Variants in MOK observed in about 807,000 individuals in gnomAD.
MOK encodes MAPK/MAK/MRK overlapping kinase.
MOK carries 59 observed loss-of-function variants against 54.2 expected under a neutral mutation model. The ratio of observed to expected loss-of-function variants is 1.09; its 90% CI spans 0.88 to 1.35. The LOEUF (loss-of-function observed/expected upper bound fraction) is 1.35, where lower values mean the gene tolerates loss of function less well. Ranked by LOEUF, MOK falls within the 40% of genes most tolerant of loss-of-function variation. MOK has a pLI of 0.00. For synonymous variants in MOK, 210 were observed against 202.7 expected, an observed-to-expected ratio of 1.04 and a Z score of -0.31; for missense variants, 517 against 526.2, an observed-to-expected ratio of 0.98 and a Z score of 0.17.
chr14:102,263,703 C>T lies in MOK; in HGVS notation c.213-87G>A, dbSNP rs902561296. 1.3e-5 allele frequency: 12 copies of T among 889,242 alleles called. No individual in the cohort carries two copies. The Admixed American group carries it at 3.2e-4, about 23-fold the overall frequency. 55.1% of individuals were successfully genotyped at this position (889,242 alleles called of 1,614,324 possible). On this transcript the variant is annotated intron_variant, in intron 3 of 11. Coordinates refer to ENST00000361847, the MANE Select transcript of MOK (RefSeq NM_014226.3). ...ATATTTAATTCATTTGTAAACATTT[C>T]TAGTAAACATTAGGTACTCCCACAT... is the stretch of plus-strand genomic sequence containing the variant.
chr14:102,304,144 C>A (rs1195975702), intron 1 of MOK, among the ~76,000 whole-genome samples: 1 of 152,104 alleles, frequency 6.6e-6, no homozygotes, highest in African/African-American at 2.4e-5. Flanking sequence ...CAATGTACAC[C>A]ATTGACAATT....
rs200107222 is a variant in MOK, at chr14:102,232,756, G to A, written c.693-48C>T. On this transcript the variant is annotated intron_variant, in intron 8 of 11. Coordinates refer to ENST00000361847, the MANE Select transcript of MOK (RefSeq NM_014226.3). The surrounding 1 kb of genome is among the most constrained non-coding windows in gnomAD (Gnocchi z 5.1). The stretch of plus-strand genomic sequence containing the variant: ...ATAAATGGTCATGCTGTCACTGAGC[G>A]CACCGGTGGTCCACTGTCACAACTA... 3.7e-4 allele frequency: 571 copies of A among 1,539,314 alleles called. No individual in the cohort carries two copies. The highest frequency in any genetic ancestry group is 4.6e-4 in the Non-Finnish European group (523 of 1,124,746).
intron 3 of MOK, chr14:102,264,210 C>CAA (rs66463478): frequency 2.3e-4 from 20 of 88,690 alleles, no homozygotes; most frequent in East Asian, 8.0e-4. Context: ...GACCCTGTCT[C>CAA]AAAAAAAAAA....
downstream of MOK, chr14:102,222,870 G>A (rs767184163): frequency 3.1e-6 from 5 of 1,614,104 alleles, no homozygotes; most frequent in South Asian, 4.4e-5. The surrounding 1 kb of genome is among the most constrained non-coding windows in gnomAD (Gnocchi z 4.4). Flanking sequence ...TCTCCAGGTG[G>A]AACTGTAGTG....
chr14:102,262,885 A>T (rs1351438456), intron 4 of MOK, among the ~76,000 whole-genome samples: 1 of 152,188 alleles, frequency 6.6e-6, no homozygotes, highest in African/African-American at 2.4e-5. Flanking sequence ...TTTCTTAGTG[A>T]GATATACAAG....
chr14:102,283,732 T>G (rs1349368349), intron 1 of MOK, 140 bp from the exon 2 acceptor site: 7 of 577,678 alleles, frequency 1.2e-5, no homozygotes, highest in African/African-American at 9.4e-5. Context: ...TTGTAAGATT[T>G]AGTGGTCCCC....
rs1050924816 is a variant in MOK, at chr14:102,258,793, C to T, written c.283+4753G>A. ...ACACTATATACTCTTTCAGGCTGGGCGCGGTGGCTCACGCCTATAATCCCA... is the reference window on the plus strand; with the variant it reads ...ACACTATATACTCTTTCAGGCTGGGTGCGGTGGCTCACGCCTATAATCCCA... On this transcript the variant is annotated intron_variant, in intron 4 of 11. Coordinates refer to ENST00000361847, the MANE Select transcript of MOK (RefSeq NM_014226.3). Among the ~76,000 whole-genome samples the T allele has an allele frequency of 3.3e-5, 5 of 152,314 alleles. No homozygotes were observed. In the East Asian group the frequency reaches 9.7e-4, roughly 29 times the overall value.
At chr14:102,268,711 C>T (rs1009013850) in intron 2 of MOK, among the ~76,000 whole-genome samples, 26 of 151,950 alleles carry the variant, frequency 1.7e-4, no homozygotes, top group Middle Eastern at 3.2e-3. Flanking sequence ...GTCAGGAGAT[C>T]GAGACCATCC....
the MOK span, chr14:102,214,713 AT>A: frequency 1.0e-6 from 1 of 981,384 alleles, no homozygotes; most frequent in African/African-American, 1.8e-5. Flanking sequence ...CCTTTTTTAT[AT>A]TTTCATCCAA....
In MOK at chr14:102,250,877, A is replaced by G. The variant is rs1254316799; in HGVS notation, c.525T>C (p.Thr175=). ...CCATCTTGTACGTGTAGAACCCATC[A>G]GTGAGGAGACACTCCGGGGCCCGGT... The part of the protein sequence containing the change: ...RWYRAPECLL[T]DGFYTYKMDL... Residue 175 remains threonine (T), a synonymous_variant, in exon 7 of 12, where the codon ACT becomes ACC. Transcript: ENST00000361847. 3 of 1,614,042 alleles carry G rather than the reference A, an allele frequency of 1.9e-6. No homozygotes were observed. Among genetic ancestry groups the G allele is most frequent in the Non-Finnish European group, 2.5e-6 (3 of 1,180,022 alleles).
At chr14:102,279,431 G>T (rs1309788470) in intron 2 of MOK, among the ~76,000 whole-genome samples, 1 of 152,044 alleles carries the variant, frequency 6.6e-6, no homozygotes, top group African/African-American at 2.4e-5. Context: ...CTCCTGAGTA[G>T]CTAGGACTAC....
chr14:102,265,122 G>GA (rs1188097538), intron 3 of MOK, among the ~76,000 whole-genome samples: 2 of 152,180 alleles, frequency 1.3e-5, no homozygotes, highest in Non-Finnish European at 2.9e-5. Context: ...ATTACAGTAA[G>GA]AAAGACTACA....
chr14:102,226,089 T>C (rs1013831747), downstream of MOK: 30 of 557,436 alleles, frequency 5.4e-5, no homozygotes, highest in Admixed American at 1.0e-3. This position sits in a 1 kb window ranked among gnomAD's most constrained non-coding sequence, Gnocchi z 4.8. Flanking sequence ...GAGGTCACGG[T>C]CGCACTGCTG....
At chr14:102,304,866 G>A in intron 1 of MOK, 96 bp downstream of exon 1, 1 of 1,393,078 alleles carries the variant, frequency 7.2e-7, no homozygotes, top group East Asian at 2.5e-5. Flanking sequence ...ACGACGCCCG[G>A]CCCCACAGGC....
At chr14:102,292,825 G>C (rs1827043458) in intron 1 of MOK, among the ~76,000 whole-genome samples, 1 of 152,102 alleles carries the variant, frequency 6.6e-6, no homozygotes, top group African/African-American at 2.4e-5. Context: ...GTATATGAGT[G>C]AATCTGTACA....
At chr14:102,237,004 C>T (rs1272590835) in intron 7 of MOK, among the ~76,000 whole-genome samples, 1 of 152,200 alleles carries the variant, frequency 6.6e-6, no homozygotes, top group Non-Finnish European at 1.5e-5. Flanking sequence ...CCAACACCAC[C>T]TGCTACACTG....
intron 4 of MOK, among the ~76,000 whole-genome samples, chr14:102,253,707 C>T (rs1337086978): frequency 2.0e-5 from 3 of 152,220 alleles, no homozygotes; most frequent in Non-Finnish European, 4.4e-5. Context: ...CCCAGCATCA[C>T]AGTTTACCCC....
intron 1 of MOK, among the ~76,000 whole-genome samples, chr14:102,286,220 A>G (rs936532601): frequency 4.1e-5 from 6 of 146,212 alleles, no homozygotes; most frequent in African/African-American, 1.5e-4. Flanking sequence ...AATGGCGTGA[A>G]CCCAGGAGGC....
intron 7 of MOK, 65 bp downstream of exon 7, chr14:102,250,747 A>G: frequency 1.4e-6 from 2 of 1,480,310 alleles, no homozygotes; most frequent in Non-Finnish European, 9.2e-7. Context: ...TAAAGGAAGG[A>G]GCACGAGCCT....
Sources: allele counts gnomAD v4.1 joint callset (sites outside exome capture counted in the v4.1 genomes callset), GRCh38; gene constraint gnomAD v4.1.1; non-coding constraint Gnocchi (gnomAD v3.1); transcripts MANE v1.5; gene names NCBI Gene and HGNC (gene_info 2026-07-23, HGNC 2026-07-21).